SP100: variants seen among roughly 807,000 people sequenced by gnomAD.
SP100 encodes SP100 nuclear body protein.
SP100 carries 84 observed loss-of-function variants against 130.0 expected under a neutral mutation model. The ratio of observed to expected loss-of-function variants is 0.65; its 90% CI spans 0.54 to 0.77. SP100 has a LOEUF of 0.77. Among genes scored for constraint, SP100 ranks in the 30% least tolerant of loss-of-function variants. The pLI, the probability that SP100 is intolerant of heterozygous loss-of-function variation, is 0.00. For missense variants in SP100, 978 were observed against 1,052.2 expected (o/e 0.93, Z 0.97); for synonymous variants, 331 against 351.7 (o/e 0.94, Z 0.66).
At chr2:230,510,873 T>C in intron 23 of SP100, 1 of 540,334 alleles carries the variant, frequency 1.9e-6, no homozygotes, top group Non-Finnish European at 3.3e-6. Flanking sequence ...TCAGTCTCCC[T>C]GAATGGTTTC....
chr2:230,524,759 G>A (rs751622426), intron 24 of SP100, among the ~76,000 whole-genome samples: 4 of 152,158 alleles, frequency 2.6e-5, no homozygotes, highest in Non-Finnish European at 5.9e-5. Context: ...TCTAAAAATT[G>A]CAGAATGTTT....
intron 24 of SP100, among the ~76,000 whole-genome samples, chr2:230,525,472 G>A (rs923205619): frequency 8.5e-5 from 13 of 152,190 alleles, no homozygotes; most frequent in East Asian, 1.9e-4. Context: ...GAAGAGCTCC[G>A]GTCTGCAGCT....
At chr2:230,511,931 A>G (rs1261289850) in intron 24 of SP100, among the ~76,000 whole-genome samples, 1 of 152,196 alleles carries the variant, frequency 6.6e-6, no homozygotes, top group Non-Finnish European at 1.5e-5. Context: ...CAGTGACACA[A>G]TCACAGCTCA....
chr2:230,466,196 A>AAAAAAT (rs1326490041), intron 11 of SP100, 105 bp from the exon 12 acceptor site: 1 of 584,078 alleles, frequency 1.7e-6, no homozygotes, highest in Non-Finnish European at 3.1e-6. Flanking sequence ...AAAAAAAAAA[A>AAAAAAT]AAAAAAACTT....
intron 8 of SP100, among the ~76,000 whole-genome samples, chr2:230,459,626 T>A (rs1340668753): frequency 6.6e-6 from 1 of 152,238 alleles, no homozygotes; most frequent in East Asian, 1.9e-4. Flanking sequence ...ATCCTGAAAC[T>A]TAGTGGCTTA....
At chr2:230,438,648 T>TATATATACACACAC (rs1246055755) in intron 2 of SP100, among the ~76,000 whole-genome samples, 135 of 127,468 alleles carry the variant, frequency 1.1e-3, no homozygotes, top group Non-Finnish European at 1.4e-3. Context: ...TGTATATATA[T>TATATATACACACAC]ACACACACAC....
Position 230,469,803 on chromosome 2 carries a change from C to A in SP100, c.1346-212C>A, listed in dbSNP as rs867343735. ...GTTAAAAAAAAAAAAGAAGAAGAAA[C>A]AATGTCATCCCCAGCCCCAGCCTCA... is the stretch of plus-strand genomic sequence containing the variant. On this transcript the variant is annotated intron_variant, in intron 14 of 28. Coordinates refer to ENST00000340126, the MANE Select transcript of SP100 (RefSeq NM_001080391.2). 1.0e-5 allele frequency: 15 copies of A among 1,437,228 alleles called. No homozygotes were observed. In the Middle Eastern group the frequency reaches 7.5e-4, roughly 71 times the overall value. The allele number at this position is 1,437,228 out of a possible 1,614,324, so 89.0% of individuals were successfully genotyped here. A position where few individuals can be genotyped will look rare whatever the true frequency, so the allele number is the denominator to read the frequency against.
Position 230,460,116 on chromosome 2 carries a change from A to G in SP100, c.821-1146A>G, listed in dbSNP as rs574429163. Among the ~76,000 whole-genome samples, 49 of 152,322 alleles carry G rather than the reference A, an allele frequency of 3.2e-4. 1 individual carries two copies. In the South Asian group the frequency reaches 9.5e-3, roughly 30 times the overall value. ...TAATCTTCCAAAGGTGAAAATATAC[A>G]TACCCTATAACCCAACAATTATATT... On this transcript the variant is annotated intron_variant, in intron 8 of 28. Transcript: ENST00000340126.
At chr2:230,449,755 C>T (rs767851139) in intron 7 of SP100, 45 bp downstream of exon 7, 44 of 1,606,530 alleles carry the variant, frequency 2.7e-5, no homozygotes, top group Non-Finnish European at 3.7e-5. Flanking sequence ...GCCAAGGGGC[C>T]CTGGCTGGTG....
intron 23 of SP100, 174 bp from the exon 24 acceptor site, chr2:230,510,951 C>A: frequency 3.1e-6 from 2 of 646,460 alleles, no homozygotes; most frequent in Non-Finnish European, 5.6e-6. Context: ...GTCACTGACA[C>A]ATAATTTAGT....
At chr2:230,503,505 T>C (rs1293049211) in intron 20 of SP100, among the ~76,000 whole-genome samples, 3 of 152,212 alleles carry the variant, frequency 2.0e-5, no homozygotes, top group Non-Finnish European at 2.9e-5. Flanking sequence ...CTTTTAGCTA[T>C]TTTGAGATGT....
At chr2:230,451,089 A>C (rs1216919796) in intron 8 of SP100, among the ~76,000 whole-genome samples, 1 of 152,186 alleles carries the variant, frequency 6.6e-6, no homozygotes, top group Non-Finnish European at 1.5e-5. Flanking sequence ...GGTTTATGGA[A>C]ATGTAGTCCC....
Position 230,469,025 on chromosome 2 carries a change from T to C in SP100, c.1292-18T>C. ...TTTTAGTTAGATATTATTGATTTGG[T>C]TTTCCTTTACTTTCTAGCTCCTATG... On this transcript the variant is annotated intron_variant, in intron 13 of 28. Transcript: ENST00000340126. 6.6e-7 allele frequency: 1 copy of C among 1,522,334 alleles called. No individual in the cohort carries two copies. Among genetic ancestry groups the C allele is most frequent in the East Asian group, 2.3e-5 (1 of 44,414 alleles). 94.3% of individuals were successfully genotyped at this position (1,522,334 alleles called of 1,614,324 possible).
chr2:230,503,186 C>A, intron 20 of SP100, 76 bp downstream of exon 20: 2 of 1,132,656 alleles, frequency 1.8e-6, no homozygotes, highest in Non-Finnish European at 2.5e-6. Context: ...AGTAACAAGT[C>A]AGTTTTCTTA....
At chr2:230,521,628 C>T (rs577164073) in intron 24 of SP100, among the ~76,000 whole-genome samples, 119 of 152,326 alleles carry the variant, frequency 7.8e-4, no homozygotes, top group African/African-American at 2.7e-3. Context: ...CAGTGATTGG[C>T]TTTCTGTGCA....
At chr2:230,459,314 C>T (rs2064456676) in intron 8 of SP100, among the ~76,000 whole-genome samples, 1 of 152,152 alleles carries the variant, frequency 6.6e-6, no homozygotes, top group African/African-American at 2.4e-5. Flanking sequence ...GAGATAAGAG[C>T]TAGAAAGGAG....
chr2:230,432,045 T>C (rs2063114228), intron 2 of SP100, among the ~76,000 whole-genome samples: 1 of 152,222 alleles, frequency 6.6e-6, no homozygotes, highest in Non-Finnish European at 1.5e-5. Context: ...GATCAATTCC[T>C]GCTCCTATTC....
chr2:230,479,147 C>T (rs1040760485), intron 17 of SP100, among the ~76,000 whole-genome samples: 1 of 152,190 alleles, frequency 6.6e-6, no homozygotes, highest in African/African-American at 2.4e-5. Flanking sequence ...TTTTCAACTA[C>T]AGCTCTCCCA....
chr2:230,540,080 C>T lies in SP100; in HGVS notation c.2210+698C>T, dbSNP rs531541714. Among the ~76,000 whole-genome samples the T allele has an allele frequency of 9.8e-5, 15 of 152,308 alleles. No homozygotes were observed. In the East Asian group the frequency reaches 2.3e-3, roughly 23 times the overall value. On this transcript the variant is annotated intron_variant, in intron 25 of 28. Transcript: ENST00000340126. ...CTCAGGGGATCAGCATAAACCTCTG[C>T]TTTTGACCAGTTGGCCAATCTGCAG...
Sources: gnomAD v4.1 joint callset for allele counts (sites outside exome capture counted in the v4.1 genomes callset) on GRCh38, gnomAD v4.1.1 for gene constraint, MANE v1.5 for transcripts, NCBI Gene and HGNC (gene_info 2026-07-23, HGNC 2026-07-21) for gene names.